The following TGFBR3 variants were observed in gnomAD, a reference collection of about 807,000 sequenced individuals.
The protein encoded by TGFBR3 is transforming growth factor beta receptor type 3.
TGFBR3 carries 46 observed loss-of-function variants against 87.9 expected under a neutral mutation model. The observed-to-expected ratio is 0.52, with a 90% CI of 0.41 to 0.67. TGFBR3 has a LOEUF of 0.67. Ranked by LOEUF, TGFBR3 falls within the 30% of genes least tolerant of loss-of-function variation. TGFBR3 has a pLI of 0.00. For missense variants in TGFBR3, 866 were observed against 1,041.9 expected (o/e 0.83, Z 2.32); for synonymous variants, 381 against 391.6 (o/e 0.97, Z 0.32).
intron 4 of TGFBR3, among the ~76,000 whole-genome samples, chr1:91,752,109 G>C (rs77745984): frequency 0.011 from 1,703 of 152,174 alleles, 32 homozygotes; most frequent in African/African-American, 0.037. Flanking sequence ...CTAACACCCA[G>C]GCCAGGGTGT....
rs532617933 is a variant in TGFBR3, at chr1:91,885,370, G to A, written c.-114+508C>T. On this transcript the variant is annotated intron_variant, in intron 1 of 16. Coordinates refer to ENST00000212355, the MANE Select transcript of TGFBR3 (RefSeq NM_003243.5). Reference sequence around the variant, plus strand: ...TTCAAAATAAACCGGGGCGGGGGGGGGCCGAGCTGCAGCTTGCGGCTCAGC... The same window carrying A: ...TTCAAAATAAACCGGGGCGGGGGGGAGCCGAGCTGCAGCTTGCGGCTCAGC... Among the ~76,000 whole-genome samples the A allele has an allele frequency of 5.2e-5, 7 of 134,184 alleles. No individual in the cohort carries two copies. The East Asian group carries it at 1.4e-3, about 28-fold the overall frequency. The allele number at this position is 134,184 out of a possible 152,430, so 88.0% of individuals were successfully genotyped here. A position where few individuals can be genotyped will look rare whatever the true frequency, so the allele number is the denominator to read the frequency against.
At chr1:91,878,545 C>G (rs1453768932) in intron 1 of TGFBR3, among the ~76,000 whole-genome samples, 3 of 152,198 alleles carry the variant, frequency 2.0e-5, no homozygotes, top group Non-Finnish European at 4.4e-5. Context: ...CAGAGTTCTA[C>G]TAGACCCTCC....
At chr1:91,895,670 T>C (rs1389290461) in intron 2 of TGFBR3, among the ~76,000 whole-genome samples, 2 of 152,174 alleles carry the variant, frequency 1.3e-5, no homozygotes, top group Non-Finnish European at 2.9e-5. Context: ...GGATTACACA[T>C]TGATGATCTC....
intron 1 of TGFBR3, among the ~76,000 whole-genome samples, chr1:91,885,326 T>C (rs966924054): frequency 2.3e-5 from 3 of 131,260 alleles, no homozygotes; most frequent in African/African-American, 5.8e-5. Flanking sequence ...CCTAACCAAA[T>C]GAATACAAGA....
chr1:91,835,417 C>T (rs1571557459), intron 2 of TGFBR3, among the ~76,000 whole-genome samples: 2 of 152,246 alleles, frequency 1.3e-5, no homozygotes, highest in East Asian at 3.9e-4. Context: ...GGAAGAATTT[C>T]CCAAGAGTCA....
rs557265866 is a variant in TGFBR3 at position 91,767,080 on chromosome 1, T to G, written c.247-8330A>C. Among the ~76,000 whole-genome samples, 4 of 134,264 alleles carry G rather than the reference T, an allele frequency of 3.0e-5. 2 individuals carry two copies. The South Asian group carries it at 1.1e-3, about 37-fold the overall frequency. The allele number at this position is 134,264 out of a possible 152,430, so 88.1% of individuals were successfully genotyped here. A position where few individuals can be genotyped will look rare whatever the true frequency, so the allele number is the denominator to read the frequency against. On this transcript the variant is annotated intron_variant, in intron 3 of 16. Transcript: ENST00000212355. Reference sequence around the variant, plus strand: ...TCTCTGCTGCAACCTGGTATCTCAGTGTATTGACTTGCCACGCACGTTGGA... The same window carrying G: ...TCTCTGCTGCAACCTGGTATCTCAGGGTATTGACTTGCCACGCACGTTGGA...
At chr1:91,745,425 C>T (rs185068592) in intron 4 of TGFBR3, among the ~76,000 whole-genome samples, 46 of 152,270 alleles carry the variant, frequency 3.0e-4, no homozygotes, top group Admixed American at 2.2e-3. Flanking sequence ...AAAAGACACA[C>T]GGTAAAGGAG....
chr1:91,808,503 T>A (rs1337188968), intron 2 of TGFBR3, among the ~76,000 whole-genome samples: 1 of 152,218 alleles, frequency 6.6e-6, no homozygotes, highest in South Asian at 2.1e-4. Flanking sequence ...TCTCACTCTG[T>A]CGCCCAGGCT....
chr1:91,867,214 A>G (rs1678420269), intron 1 of TGFBR3, among the ~76,000 whole-genome samples: 1 of 152,256 alleles, frequency 6.6e-6, no homozygotes, highest in African/African-American at 2.4e-5. Context: ...ATTAGTCCCA[A>G]CATTCTGTGG....
intron 1 of TGFBR3, among the ~76,000 whole-genome samples, chr1:91,885,133 G>T (rs1467775595): frequency 2.0e-5 from 3 of 152,218 alleles, no homozygotes; most frequent in Non-Finnish European, 4.4e-5. Flanking sequence ...AAATGGAACG[G>T]TTTTCTTCTT....
intron 4 of TGFBR3, among the ~76,000 whole-genome samples, chr1:91,736,910 G>A (rs6677523): frequency 0.79 from 119,474 of 152,160 alleles, 48,159 homozygotes; most frequent in Non-Finnish European, 0.89. Flanking sequence ...CACAGAGTAC[G>A]TTTTTCAGAG....
chr1:91,703,451 G>A (rs1046843038), intron 14 of TGFBR3, among the ~76,000 whole-genome samples: 3 of 152,138 alleles, frequency 2.0e-5, no homozygotes, highest in Admixed American at 2.0e-4. Flanking sequence ...AAAATACGGA[G>A]AAAATTCAGT....
At chr1:91,783,840 G>T (rs193174090) in intron 3 of TGFBR3, among the ~76,000 whole-genome samples, 2 of 152,232 alleles carry the variant, frequency 1.3e-5, no homozygotes, top group South Asian at 4.1e-4. Context: ...AATAATACAC[G>T]GTAGAGTAAA....
chr1:91,707,860 T>G (rs139405222), intron 14 of TGFBR3, among the ~76,000 whole-genome samples: 1 of 152,328 alleles, frequency 6.6e-6, no homozygotes, highest in East Asian at 1.9e-4. Context: ...TGCTTGTTTA[T>G]AACCCTTGGA....
intron 1 of TGFBR3, among the ~76,000 whole-genome samples, chr1:91,885,164 C>T (rs1679245421): frequency 3.3e-5 from 5 of 152,216 alleles, no homozygotes. Context: ...GTGAGGACAC[C>T]AAATCCACTA....
intron 2 of TGFBR3, among the ~76,000 whole-genome samples, chr1:91,893,353 C>T (rs982805602): frequency 6.6e-6 from 1 of 151,776 alleles, no homozygotes; most frequent in Non-Finnish European, 1.5e-5. Flanking sequence ...GGCGTGATCT[C>T]GGCCCACTAC....
At chr1:91,856,681 G>A (rs1397213609) in intron 2 of TGFBR3, among the ~76,000 whole-genome samples, 1 of 152,164 alleles carries the variant, frequency 6.6e-6, no homozygotes, top group African/African-American at 2.4e-5. Flanking sequence ...AGGCCACTTT[G>A]GTTAAGTCAG....
chr1:91,739,058 G>A (rs1387135183), intron 4 of TGFBR3, among the ~76,000 whole-genome samples: 1 of 152,204 alleles, frequency 6.6e-6, no homozygotes, highest in Non-Finnish European at 1.5e-5. Flanking sequence ...ACAGGGCTGA[G>A]AGGAGGTTGG....
intron 3 of TGFBR3, among the ~76,000 whole-genome samples, chr1:91,765,878 T>C (rs759419171): frequency 2.0e-5 from 3 of 152,220 alleles, no homozygotes; most frequent in Non-Finnish European, 4.4e-5. Flanking sequence ...TATTTGCAAA[T>C]TGATTAAAAT....
Sources: gnomAD v4.1 joint callset for allele counts (sites outside exome capture counted in the v4.1 genomes callset) on GRCh38, gnomAD v4.1.1 for gene constraint, MANE v1.5 for transcripts, NCBI Gene and HGNC (gene_info 2026-07-23, HGNC 2026-07-21) for gene names.